Variants in TOPAZ1 observed in about 807,000 individuals in gnomAD.
TOPAZ1 encodes protein TOPAZ1.
In TOPAZ1, 66 loss-of-function variants were observed where a neutral mutation model predicts 172.2. The ratio of observed to expected loss-of-function variants is 0.38; its 90% CI spans 0.31 to 0.47. The LOEUF (loss-of-function observed/expected upper bound fraction) is 0.47. Among genes scored for constraint, TOPAZ1 ranks in the 20% least tolerant of loss-of-function variants. The probability of loss-of-function intolerance (pLI) is 0.99; values close to 1 mark genes in which losing one functional copy is unlikely to be tolerated. For synonymous variants in TOPAZ1, 681 were observed against 683.9 expected (o/e 1.00, Z 0.07); for missense variants, 1,822 against 1,972.4 (o/e 0.92, Z 1.44).
chr3:44,323,028 T>G, intron 17 of TOPAZ1, 64 bp from the exon 18 acceptor site: 24 of 1,113,428 alleles, frequency 2.2e-5, no homozygotes, highest in Middle Eastern at 3.0e-4. Flanking sequence ...AAAAGGAGTA[T>G]GAGATGGAGG....
chr3:44,264,371 T>C lies in TOPAZ1; in HGVS notation c.3020+1888T>C, dbSNP rs1699806659. On this transcript the variant is annotated intron_variant, in intron 5 of 19. Transcript: ENST00000309765. ...TGTTTCCTAGTGCGTATAAAAGTTA[T>C]GCTTACACTGTACTTTAGTCTATTA... Among the ~76,000 whole-genome samples the C allele has an allele frequency of 1.3e-5, 2 of 152,254 alleles. 1 individual carries two copies. The highest frequency in any genetic ancestry group is 4.1e-4 in the South Asian group (2 of 4,834).
At chr3:44,270,936 A>G in intron 8 of TOPAZ1, 126 bp downstream of exon 8, 4 of 824,674 alleles carry the variant, frequency 4.9e-6, no homozygotes, top group Middle Eastern at 3.5e-4. Flanking sequence ...TGTTCTTTAT[A>G]TAAATGGAAT....
In TOPAZ1 at chr3:44,305,197, C is replaced by G; in HGVS notation, c.3915C>G (p.Asn1305Lys). The part of the protein sequence containing the change: ...DWTKLGKLYI[N>K]VKMGCEKFAD... ...CCAAATTGGGAAAATTATACATTAA[C>G]GTAAAAATGGGCTGTGAAAAATTTG... The change falls in exon 14 of 20, where the codon AAC (asparagine) becomes AAG (lysine). Residue 1305 changes from asparagine (N) to lysine (K), a missense_variant. Coordinates refer to ENST00000309765, the MANE Select transcript of TOPAZ1 (RefSeq NM_001145030.2). 6.5e-7 allele frequency: 1 copy of G among 1,544,136 alleles called. No individual in the cohort carries two copies. Among genetic ancestry groups the G allele is most frequent in the Non-Finnish European group, 8.7e-7 (1 of 1,144,306 alleles).
chr3:44,318,904 A>G (rs1700480480), intron 16 of TOPAZ1, among the ~76,000 whole-genome samples: 1 of 151,230 alleles, frequency 6.6e-6, no homozygotes, highest in Non-Finnish European at 1.5e-5. Flanking sequence ...TGCTTCCTGA[A>G]GCCTTTGCGG....
At chr3:44,282,195 T>C (rs1553648224) in intron 9 of TOPAZ1, among the ~76,000 whole-genome samples, 164 bp downstream of exon 9, 1 of 152,168 alleles carries the variant, frequency 6.6e-6, no homozygotes, top group Non-Finnish European at 1.5e-5. Context: ...TTTTGGTTAA[T>C]AAAAAAATGA....
chr3:44,294,977 C>T lies in TOPAZ1; in HGVS notation c.3797+4091C>T, dbSNP rs573480830. On this transcript the variant is annotated intron_variant, in intron 12 of 19. Coordinates refer to ENST00000309765, the MANE Select transcript of TOPAZ1 (RefSeq NM_001145030.2). ...TTCAGTGATTATTTTAAAACTTTCA[C>T]ATTTAAAGTGGGTATTGAAATGTTG... Among the ~76,000 whole-genome samples, 7 of 152,304 alleles carry T rather than the reference C, an allele frequency of 4.6e-5. No homozygotes were observed. The South Asian group carries it at 1.2e-3, about 27-fold the overall frequency.
rs757079261 is a variant in TOPAZ1 at position 44,243,616 on chromosome 3, A to G, written c.1110A>G (p.Lys370=). ...LQENQMIADG[K]EAETKSPLNV... Reference sequence around the variant, plus strand: ...AAAATCAAATGATTGCTGATGGTAAAGAAGCAGAGACTAAAAGTCCTTTAA... The same window carrying G: ...AAAATCAAATGATTGCTGATGGTAAGGAAGCAGAGACTAAAAGTCCTTTAA... Residue 370 remains lysine, a synonymous_variant, in exon 2 of 20, where the codon AAA becomes AAG. Transcript: ENST00000309765. 1.3e-6 allele frequency: 2 copies of G among 1,550,332 alleles called. No homozygotes were observed. The highest frequency in any genetic ancestry group is 1.7e-6 in the Non-Finnish European group (2 of 1,146,966).
chr3:44,316,899 C>T (rs1291025239), intron 16 of TOPAZ1, among the ~76,000 whole-genome samples: 1 of 152,040 alleles, frequency 6.6e-6, no homozygotes, highest in Non-Finnish European at 1.5e-5. Context: ...ACCTTTCTCC[C>T]AAGCATCTCT....
intron 5 of TOPAZ1, among the ~76,000 whole-genome samples, chr3:44,265,623 GA>G (rs947517656): frequency 6.6e-6 from 1 of 152,196 alleles, no homozygotes; most frequent in African/African-American, 2.4e-5. Flanking sequence ...GTTCTTGGGT[GA>G]CAAGATACAT....
In TOPAZ1 at chr3:44,273,215, A is replaced by G. The variant is rs540133588; in HGVS notation, c.3372+2405A>G. Reference sequence around the variant, plus strand: ...TCATTCGTGAATCTTTTAATGCTCAAATAAACTCTATTAAATTTATTTTTT... The same window carrying G: ...TCATTCGTGAATCTTTTAATGCTCAGATAAACTCTATTAAATTTATTTTTT... On this transcript the variant is annotated intron_variant, in intron 8 of 19. Transcript: ENST00000309765. Among the ~76,000 whole-genome samples, 40 of 152,346 alleles carry G rather than the reference A, an allele frequency of 2.6e-4. 2 individuals carry two copies. The South Asian group carries it at 8.3e-3, about 32-fold the overall frequency.
intron 2 of TOPAZ1, among the ~76,000 whole-genome samples, chr3:44,249,554 T>C (rs1699605781): frequency 6.6e-6 from 1 of 152,184 alleles, no homozygotes; most frequent in South Asian, 2.1e-4. Context: ...CCATAGCACC[T>C]TATGCTACCT....
chr3:44,242,159 T>G lies in TOPAZ1; in HGVS notation c.106T>G (p.Cys36Gly). ...GCCAGGGCCAGGCGCGGCGGGAGGC[T>G]GTGGCCCTGAGGCCGGGGGGTGCCG... is the stretch of plus-strand genomic sequence containing the variant. ...QAPGPGAAGG[C>G]GPEAGGCREN... is the part of the protein sequence containing the mutation. The change falls in exon 1 of 20, where the codon TGT becomes GGT. Residue 36 changes from cysteine to glycine, a missense_variant. Cys to Gly is a radical substitution (Grantham distance 159, BLOSUM62 -3). This residue lies in a region of TOPAZ1 where 1,489 missense variants were observed against 1,490.8 expected (regional missense o/e 1.00). Transcript: ENST00000309765. The G allele has an allele frequency of 6.5e-7, 1 of 1,547,834 alleles. No homozygotes were observed. Among genetic ancestry groups the G allele is most frequent in the Non-Finnish European group, 8.7e-7 (1 of 1,146,068 alleles).
chr3:44,306,374 G>A lies in TOPAZ1; in HGVS notation c.4088G>A (p.Arg1363Lys). 1 of 1,549,138 alleles carries A rather than the reference G, an allele frequency of 6.5e-7. No individual in the cohort carries two copies. The highest frequency in any genetic ancestry group is 8.7e-7 in the Non-Finnish European group (1 of 1,145,106). Residue 1363 changes from arginine to lysine, a missense_variant, in exon 15 of 20, where the codon AGA becomes AAA. Physicochemically the swap from Arg to Lys is conservative, Grantham distance 26. Coordinates refer to ENST00000309765, the MANE Select transcript of TOPAZ1 (RefSeq NM_001145030.2). Reference sequence around the variant, plus strand: ...AAAGTAGATAAAGGTGTACTGGGAAGAATTGGAATCAGTGCTATGTACTTC... The same window carrying A: ...AAAGTAGATAAAGGTGTACTGGGAAAAATTGGAATCAGTGCTATGTACTTC... Reference protein sequence around the residue: ...NSKVDKGVLGRIGISAMYFYH... With the variant: ...NSKVDKGVLGKIGISAMYFYH...
At chr3:44,330,622 A>G (rs1700657099) in intron 19 of TOPAZ1, among the ~76,000 whole-genome samples, 1 of 152,146 alleles carries the variant, frequency 6.6e-6, no homozygotes, top group Non-Finnish European at 1.5e-5. Context: ...TTCAAGTGCA[A>G]GTCCTCACTC....
At chr3:44,257,529 GC>G (rs1475010323) in intron 4 of TOPAZ1, among the ~76,000 whole-genome samples, 1 of 146,210 alleles carries the variant, frequency 6.8e-6, no homozygotes, top group East Asian at 2.0e-4. Context: ...TTTTCCAGAG[GC>G]CTTTTCTTTT....
Position 44,286,588 on chromosome 3 carries a change from T to A in TOPAZ1, c.3437-801T>A, listed in dbSNP as rs1700081342. On this transcript the variant is annotated intron_variant, in intron 9 of 19. Transcript: ENST00000309765. ...GCCACTGAACTTTGTCAGTAGCTAC[T>A]GGCTTTCCTAAACAATACCAGGTAA... Among the ~76,000 whole-genome samples, 4 of 152,358 alleles carry A rather than the reference T, an allele frequency of 2.6e-5. No individual in the cohort carries two copies. In the South Asian group the frequency reaches 8.3e-4, roughly 32 times the overall value.
chr3:44,316,036 A>C (rs1035222387), intron 16 of TOPAZ1, among the ~76,000 whole-genome samples: 3 of 151,886 alleles, frequency 2.0e-5, no homozygotes, highest in Non-Finnish European at 4.4e-5. Context: ...GGAGTTTGAG[A>C]CCAGCCTGGG....
chr3:44,287,578 A>G, intron 10 of TOPAZ1, 38 bp downstream of exon 10: 3 of 1,329,194 alleles, frequency 2.3e-6, no homozygotes, highest in Non-Finnish European at 3.0e-6. Context: ...TTAATATTTT[A>G]TGTTAATTTC....
At chr3:44,286,364 C>T (rs912080045) in intron 9 of TOPAZ1, among the ~76,000 whole-genome samples, 5 of 152,004 alleles carry the variant, frequency 3.3e-5, no homozygotes, top group African/African-American at 4.8e-5. Context: ...CTGAGTTTAC[C>T]GTTTTATCAG....
Sources: gnomAD v4.1 joint callset for allele counts (sites outside exome capture counted in the v4.1 genomes callset) on GRCh38, gnomAD v4.1.1 for gene constraint, gnomAD v4.1.1 regional missense constraint, MANE v1.5 for transcripts, NCBI Gene and HGNC (gene_info 2026-07-23, HGNC 2026-07-21) for gene names.